The following XYLT1 variants were observed in gnomAD, a reference collection of about 807,000 sequenced individuals.
XYLT1 encodes the protein xylosyltransferase 1, also known as beta-D-xylosyltransferase 1.
Under a neutral mutation model 91.3 loss-of-function variants are expected in XYLT1, and 36 were observed. The observed-to-expected ratio is 0.39, with a 90% CI of 0.30 to 0.52. XYLT1 has a LOEUF of 0.52. Ranked by LOEUF, XYLT1 falls within the 20% of genes least tolerant of loss-of-function variation. The pLI is 0.68. For synonymous variants in XYLT1, 588 were observed against 532.0 expected, an observed-to-expected ratio of 1.11 and a Z score of -1.45; for missense variants, 1,242 against 1,284.5, an observed-to-expected ratio of 0.97 and a Z score of 0.51.
chr16:17,144,855 GA>G (rs1184143612), intron 6 of XYLT1, among the ~76,000 whole-genome samples: 4 of 152,218 alleles, frequency 2.6e-5, no homozygotes, highest in Non-Finnish European at 1.5e-5. Context: ...ATGCAGACTG[GA>G]GGGGGATCAG....
At chr16:17,180,207 A>G (rs8046601) in intron 5 of XYLT1, among the ~76,000 whole-genome samples, 91,130 of 152,114 alleles carry the variant, frequency 0.6, 29,724 homozygotes, top group African/African-American at 0.86. Context: ...TGCAGCCATC[A>G]CTGTCATGAA....
intron 2 of XYLT1, among the ~76,000 whole-genome samples, chr16:17,340,848 C>T (rs1004317127): frequency 6.6e-6 from 1 of 152,184 alleles, no homozygotes; most frequent in African/African-American, 2.4e-5. Context: ...GGCAGACAAT[C>T]AGAACATTAG....
chr16:17,468,699 T>C (rs1486520096), intron 1 of XYLT1, among the ~76,000 whole-genome samples: 1 of 152,040 alleles, frequency 6.6e-6, no homozygotes, highest in East Asian at 1.9e-4. Flanking sequence ...TTCCTTCTCT[T>C]CATTTGTTTC....
chr16:17,305,095 TC>T (rs1432817105), intron 2 of XYLT1, among the ~76,000 whole-genome samples: 1 of 152,148 alleles, frequency 6.6e-6, no homozygotes, highest in African/African-American at 2.4e-5. Flanking sequence ...TGAGCCTGCA[TC>T]ATCTCCCTAT....
chr16:17,249,261 C>T (rs1298166172), intron 3 of XYLT1, among the ~76,000 whole-genome samples: 4 of 152,180 alleles, frequency 2.6e-5, no homozygotes, highest in Admixed American at 2.6e-4. Context: ...AATACCACCT[C>T]CACAGAGATT....
chr16:17,371,768 G>T (rs2035535674), intron 1 of XYLT1, among the ~76,000 whole-genome samples: 1 of 152,212 alleles, frequency 6.6e-6, no homozygotes, highest in South Asian at 2.1e-4. Context: ...TATCACATCT[G>T]CTTCTGCTGT....
At chr16:17,165,299 T>C (rs1020873926) in intron 5 of XYLT1, among the ~76,000 whole-genome samples, 1 of 152,204 alleles carries the variant, frequency 6.6e-6, no homozygotes, top group Non-Finnish European at 1.5e-5. Flanking sequence ...TGTATATACA[T>C]GGATTTTTGT....
intron 8 of XYLT1, among the ~76,000 whole-genome samples, chr16:17,135,396 CCTGTAGTCCCAG>C (rs1187919226): frequency 6.6e-6 from 1 of 152,078 alleles, no homozygotes; most frequent in African/African-American, 2.4e-5. Context: ...CAGGCACACA[CCTGTAGTCCCAG>C]CTGCTCAGGA....
chr16:17,113,173 G>C (rs1042236299), intron 11 of XYLT1, among the ~76,000 whole-genome samples: 2 of 149,590 alleles, frequency 1.3e-5, no homozygotes, highest in African/African-American at 4.9e-5. Context: ...ATAGAGTCTC[G>C]CTCTGTCACC....
intron 8 of XYLT1, 180 bp downstream of exon 8, chr16:17,138,175 C>CCTGAAGT (rs1337210751): frequency 1.2e-4 from 79 of 673,794 alleles, no homozygotes; most frequent in South Asian, 6.1e-4. Context: ...TTAGAACATC[C>CCTGAAGT]CTGAAGTAAG....
chr16:17,114,621 C>A (rs1028284209), intron 11 of XYLT1, among the ~76,000 whole-genome samples: 11 of 152,166 alleles, frequency 7.2e-5, no homozygotes, highest in African/African-American at 2.4e-4. Flanking sequence ...GGCACCTCCT[C>A]CCCATGCTGT....
At chr16:17,442,712 A>G (rs1379105166) in intron 1 of XYLT1, among the ~76,000 whole-genome samples, 1 of 152,146 alleles carries the variant, frequency 6.6e-6, no homozygotes, top group African/African-American at 2.4e-5. Context: ...GCATCCTCCA[A>G]TAAGCCTTTG....
chr16:17,135,563 CAAAAA>C (rs112216252), intron 8 of XYLT1, among the ~76,000 whole-genome samples: 2 of 117,110 alleles, frequency 1.7e-5, no homozygotes, highest in East Asian at 2.3e-4. Context: ...GAGTGTAGCT[CAAAAA>C]AAAAAAAAAA....
intron 3 of XYLT1, among the ~76,000 whole-genome samples, chr16:17,232,487 G>C (rs1442021660): frequency 1.4e-5 from 2 of 144,414 alleles, no homozygotes; most frequent in Admixed American, 1.4e-4. Flanking sequence ...AAAAAGTTCT[G>C]AATCTCAAAT....
At chr16:17,270,720 CA>C (rs767705551) in intron 2 of XYLT1, among the ~76,000 whole-genome samples, 2 of 152,174 alleles carry the variant, frequency 1.3e-5, no homozygotes, top group Non-Finnish European at 2.9e-5. Context: ...AAAAGTAGGT[CA>C]GGGGTCAGCA....
chr16:17,321,886 C>T (rs975703769), intron 2 of XYLT1, among the ~76,000 whole-genome samples: 1 of 152,130 alleles, frequency 6.6e-6, no homozygotes, highest in African/African-American at 2.4e-5. Flanking sequence ...GTTGGCAAAC[C>T]CTGCTGCGGA....
chr16:17,289,890 G>A (rs1246579492), intron 2 of XYLT1, among the ~76,000 whole-genome samples: 1 of 152,228 alleles, frequency 6.6e-6, no homozygotes, highest in Non-Finnish European at 1.5e-5. Context: ...TCTGTAAGAA[G>A]CAAGAAAGGA....
intron 2 of XYLT1, among the ~76,000 whole-genome samples, chr16:17,317,623 C>A (rs936510124): frequency 2.1e-5 from 2 of 97,240 alleles, no homozygotes; most frequent in Non-Finnish European, 3.7e-5. Flanking sequence ...GTGGGAGACG[C>A]TGTCTCAAAA....
intron 3 of XYLT1, chr16:17,227,287 C>A (rs1257021757): frequency 6.6e-6 from 1 of 152,296 alleles, no homozygotes; most frequent in Non-Finnish European, 1.5e-5. Flanking sequence ...GTTTTCCAGG[C>A]AGACACACTT....
Sources: gnomAD v4.1 joint callset for allele counts (sites outside exome capture counted in the v4.1 genomes callset) on GRCh38, gnomAD v4.1.1 for gene constraint, MANE v1.5 for transcripts, NCBI Gene and HGNC (gene_info 2026-07-23, HGNC 2026-07-21) for gene names.